The following C11orf65 variants were observed in gnomAD, a reference collection of about 807,000 sequenced individuals.
C11orf65 encodes the protein protein MFI.
A neutral mutation model predicts 35.3 loss-of-function variants in C11orf65; 38 were observed. That is an observed-to-expected ratio of 1.08 (90% confidence interval 0.83 to 1.41). C11orf65 has a LOEUF of 1.41. Among genes scored for constraint, C11orf65 ranks in the 40% most tolerant of loss-of-function variants. C11orf65 has a pLI of 0.00. For synonymous variants in C11orf65, 105 were observed against 114.4 expected, an observed-to-expected ratio of 0.92 and a Z score of 0.53; for missense variants, 370 against 367.1, an observed-to-expected ratio of 1.01 and a Z score of -0.06.
At chr11:108,335,823 T>C (rs2086775947) in intron 2 of C11orf65, 7 of 1,584,208 alleles carry the variant, frequency 4.4e-6, no homozygotes, top group Non-Finnish European at 6.1e-6. Flanking sequence ...TACTTGTTTA[T>C]TCATGCTTAA....
chr11:108,331,634 C>A (rs2086246803), intron 3 of C11orf65: 1 of 1,416,684 alleles, frequency 7.1e-7, no homozygotes. Flanking sequence ...AGTATATATA[C>A]CATTCCCTCT....
chr11:108,377,815 G>C (rs996927176), downstream of C11orf65, among the ~76,000 whole-genome samples: 150 of 151,918 alleles, frequency 9.9e-4, no homozygotes, highest in African/African-American at 2.8e-3. Flanking sequence ...ACAAAAATCA[G>C]AAGCATTCTT....
At chr11:108,329,406 G>GT (rs1468822912), downstream of C11orf65, 5 of 648,704 alleles carry the variant, frequency 7.7e-6, no homozygotes, top group Middle Eastern at 4.3e-4. Flanking sequence ...TTCGGTTTTT[G>GT]TTTTTTGTTT....
intron 2 of C11orf65, among the ~76,000 whole-genome samples, chr11:108,435,045 G>A (rs960455695): frequency 6.6e-6 from 1 of 152,192 alleles, no homozygotes; most frequent in African/African-American, 2.4e-5. Context: ...TGTTGTAGTA[G>A]ATGCTCTGAA....
At chr11:108,390,690 A>C (rs1367466362) in intron 7 of C11orf65, among the ~76,000 whole-genome samples, 1 of 152,138 alleles carries the variant, frequency 6.6e-6, no homozygotes, top group Non-Finnish European at 1.5e-5. Flanking sequence ...ACTCTTAGGA[A>C]GAAAAGTAAA....
chr11:108,393,419 T>C (rs373504878), intron 6 of C11orf65, 41 bp from the exon 7 acceptor site: 7 of 1,556,666 alleles, frequency 4.5e-6, no homozygotes, highest in East Asian at 2.2e-5. Flanking sequence ...TCTTTTGAAA[T>C]AGGAGATTAC....
chr11:108,460,810 C>A (rs1412569797), intron 2 of C11orf65, among the ~76,000 whole-genome samples: 1 of 152,094 alleles, frequency 6.6e-6, no homozygotes, highest in Non-Finnish European at 1.5e-5. Flanking sequence ...ATCACAACCT[C>A]CGCCTCCCAA....
chr11:108,343,814 A>G (rs1488275236), intron 2 of C11orf65, among the ~76,000 whole-genome samples: 2 of 152,116 alleles, frequency 1.3e-5, no homozygotes, highest in Non-Finnish European at 2.9e-5. Context: ...CAACAACAAC[A>G]AGATTATGAA....
At chr11:108,434,457 A>G (rs1484783536) in intron 2 of C11orf65, among the ~76,000 whole-genome samples, 9 of 151,688 alleles carry the variant, frequency 5.9e-5, no homozygotes, top group Admixed American at 5.9e-4. Flanking sequence ...GTGAGCCGAA[A>G]TGGTGCCACT....
At chr11:108,439,661 T>G (rs1203449250) in intron 2 of C11orf65, among the ~76,000 whole-genome samples, 2 of 152,234 alleles carry the variant, frequency 1.3e-5, no homozygotes, top group African/African-American at 4.8e-5. Flanking sequence ...AATGAAATTC[T>G]GATACATGCT....
intron 7 of C11orf65, among the ~76,000 whole-genome samples, chr11:108,386,932 T>G (rs984206265): frequency 6.6e-6 from 1 of 151,678 alleles, no homozygotes; most frequent in African/African-American, 2.4e-5. Context: ...ATACAAAAAA[T>G]TAGCCAGGTG....
chr11:108,331,467 A>G lies in C11orf65; in HGVS notation c.*83T>C, dbSNP rs752294923. On this transcript the variant is annotated 3_prime_UTR_variant, in exon 4 of 4. Coordinates refer to the C11orf65 transcript ENST00000524755. The stretch of plus-strand genomic sequence containing the variant: ...AGAGAGACGGAATGAAGATTCCAAC[A>G]TATAAATTTTTGCCTCTTATGTACC... 3 of 1,613,514 alleles carry G rather than the reference A, an allele frequency of 1.9e-6. No homozygotes were observed. Among genetic ancestry groups the G allele is most frequent in the Non-Finnish European group, 2.5e-6 (3 of 1,179,738 alleles).
At chr11:108,439,387 T>A (rs2093115198) in intron 2 of C11orf65, among the ~76,000 whole-genome samples, 1 of 152,222 alleles carries the variant, frequency 6.6e-6, no homozygotes, top group Admixed American at 6.5e-5. Flanking sequence ...CTGGTGGGAA[T>A]GTAAAATGGT....
intron 2 of C11orf65, among the ~76,000 whole-genome samples, chr11:108,357,238 G>A (rs365288): frequency 0.52 from 79,566 of 151,936 alleles, 21,708 homozygotes; most frequent in Middle Eastern, 0.73. Flanking sequence ...TTTTTGGACC[G>A]GCTTAAAAAA....
intron 2 of C11orf65, among the ~76,000 whole-genome samples, chr11:108,374,355 G>A (rs986835630): frequency 6.9e-6 from 1 of 145,612 alleles, no homozygotes; most frequent in Admixed American, 7.2e-5. Context: ...TGCAGACACC[G>A]CTGCTGATAC....
chr11:108,442,721 A>C (rs535825948), intron 2 of C11orf65, among the ~76,000 whole-genome samples: 1 of 152,220 alleles, frequency 6.6e-6, no homozygotes, highest in Non-Finnish European at 1.5e-5. Flanking sequence ...TATCCAGCCA[A>C]ACTAAGCTTC....
At chr11:108,440,145 A>G (rs937722684) in intron 2 of C11orf65, among the ~76,000 whole-genome samples, 5 of 152,312 alleles carry the variant, frequency 3.3e-5, no homozygotes, top group African/African-American at 1.2e-4. Flanking sequence ...GAAAAGGGTA[A>G]AAGTACTAAT....
chr11:108,322,141 T>C (rs1402997865), intron 6 of C11orf65, among the ~76,000 whole-genome samples: 1 of 152,000 alleles, frequency 6.6e-6, no homozygotes, highest in Non-Finnish European at 1.5e-5. Context: ...TGTTTTTGTT[T>C]TGTTTTCTTT....
At chr11:108,387,504 G>A (rs1469848847) in intron 7 of C11orf65, among the ~76,000 whole-genome samples, 3 of 151,932 alleles carry the variant, frequency 2.0e-5, no homozygotes, top group South Asian at 2.1e-4. Flanking sequence ...TTTGCAGTAG[G>A]AGGGTATATA....
Sources: allele counts gnomAD v4.1 joint callset (sites outside exome capture counted in the v4.1 genomes callset), GRCh38; gene constraint gnomAD v4.1.1; transcripts MANE v1.5; gene names NCBI Gene and HGNC (gene_info 2026-07-23, HGNC 2026-07-21).